Variants in WWOX observed in about 807,000 individuals in gnomAD.
WWOX encodes WW domain-containing oxidoreductase.
Under a neutral mutation model 46.2 loss-of-function variants are expected in WWOX, and 69 were observed. That is an observed-to-expected ratio of 1.49 (90% CI 1.23 to 1.82). The LOEUF (loss-of-function observed/expected upper bound fraction) is 1.82, where lower values mean the gene tolerates loss of function less well. WWOX is among the 40% of genes most tolerant of loss of function. The pLI, the probability that WWOX is intolerant of heterozygous loss-of-function variation, is 0.00. For synonymous variants in WWOX, 359 were observed against 202.6 expected (o/e 1.77, Z -6.56); for missense variants, 919 against 542.6 (o/e 1.69, Z -6.89).
In WWOX at chr16:78,802,027, A is replaced by G. The variant is rs538881886; in HGVS notation, c.1056+369275A>G. Among the ~76,000 whole-genome samples the G allele has an allele frequency of 8.0e-4, 122 of 152,238 alleles. 1 individual carries two copies. In the South Asian group the frequency reaches 9.1e-3, roughly 11 times the overall value. Reference sequence around the variant, plus strand: ...AAGGGCCTATCCCAGAGGCTGGTGTACCATGGTGGCTTCTCCTGGCTCTGC... The same window carrying G: ...AAGGGCCTATCCCAGAGGCTGGTGTGCCATGGTGGCTTCTCCTGGCTCTGC... On this transcript the variant is annotated intron_variant, in intron 8 of 8. Transcript: ENST00000566780.
rs188791685 is a variant in WWOX, at chr16:78,449,329, A to G, written c.1056+16577A>G. ...AGTGACGTCTTACTGCTTTTGCCAT[A>G]TTCTTTTTGTTAGAAGGAAATCACT... On this transcript the variant is annotated intron_variant, in intron 8 of 8. Transcript: ENST00000566780. Among the ~76,000 whole-genome samples, 1,010 of 152,250 alleles carry G rather than the reference A, an allele frequency of 6.6e-3. 13 individuals are homozygous for G. The highest frequency in any genetic ancestry group is 5.9e-3 in the Non-Finnish European group (399 of 68,030).
At chr16:78,380,553 G>GA (rs2081931875) in intron 5 of WWOX, among the ~76,000 whole-genome samples, 1 of 152,144 alleles carries the variant, frequency 6.6e-6, no homozygotes, top group African/African-American at 2.4e-5. Context: ...GGATAGGGCT[G>GA]AATGGTTTAT....
chr16:78,636,269 C>G (rs1447869454), intron 8 of WWOX, among the ~76,000 whole-genome samples: 1 of 152,132 alleles, frequency 6.6e-6, no homozygotes, highest in Admixed American at 6.5e-5. Context: ...TTATTGCAAA[C>G]CTACTGTGTG....
chr16:79,163,685 C>T (rs112223430), intron 8 of WWOX, among the ~76,000 whole-genome samples: 9,204 of 151,502 alleles, frequency 0.061, 942 homozygotes, highest in African/African-American at 0.21. Context: ...GTAATCCCAG[C>T]CACTTTTGAG....
intron 8 of WWOX, among the ~76,000 whole-genome samples, chr16:78,660,640 A>C (rs1473982287): frequency 6.6e-6 from 1 of 152,108 alleles, no homozygotes; most frequent in Non-Finnish European, 1.5e-5. Flanking sequence ...ATAACCCATC[A>C]AAGGAATAGA....
intron 8 of WWOX, among the ~76,000 whole-genome samples, chr16:78,974,349 A>G (rs956254803): frequency 6.6e-6 from 1 of 152,208 alleles, no homozygotes; most frequent in African/African-American, 2.4e-5. Flanking sequence ...TGTCACATCA[A>G]TAAACATCTT....
chr16:78,250,915 C>T (rs4334310), intron 5 of WWOX, among the ~76,000 whole-genome samples: 7,247 of 152,226 alleles, frequency 0.048, 334 homozygotes, highest in East Asian at 0.23. Flanking sequence ...ACCTCAATCC[C>T]CTGTTTGGCC....
At chr16:78,587,272 A>T (rs570712177) in intron 8 of WWOX, among the ~76,000 whole-genome samples, 2 of 149,108 alleles carry the variant, frequency 1.3e-5, no homozygotes, top group East Asian at 4.0e-4. Context: ...GGCTCAAGCA[A>T]TCCTCCCATC....
intron 8 of WWOX, among the ~76,000 whole-genome samples, chr16:78,827,482 G>T (rs11860100): frequency 6.6e-6 from 1 of 151,934 alleles, no homozygotes; most frequent in African/African-American, 2.4e-5. Context: ...CACATTTCCA[G>T]CCCCATTTTC....
At chr16:78,100,177 A>T (rs2031667788) in intron 1 of WWOX, 1 of 1,262,090 alleles carries the variant, frequency 7.9e-7, no homozygotes, top group Admixed American at 4.6e-5. Flanking sequence ...CCGCCAAAAA[A>T]TAAAGATGTT....
intron 5 of WWOX, among the ~76,000 whole-genome samples, chr16:78,197,508 G>A (rs1799962961): frequency 1.3e-5 from 2 of 152,080 alleles, no homozygotes; most frequent in Admixed American, 1.3e-4. Flanking sequence ...ATGTTTTGAG[G>A]TCAATTTGAA....
At chr16:78,938,081 T>C (rs147168773) in intron 8 of WWOX, among the ~76,000 whole-genome samples, 63 of 152,334 alleles carry the variant, frequency 4.1e-4, no homozygotes, top group Middle Eastern at 3.4e-3. Flanking sequence ...GCAGCAGGGC[T>C]AAGATCACCA....
chr16:78,269,438 G>T (rs528207093), intron 5 of WWOX, among the ~76,000 whole-genome samples: 6 of 152,302 alleles, frequency 3.9e-5, no homozygotes, highest in African/African-American at 1.4e-4. Context: ...TCCTGCAGCA[G>T]CCATTCTGGT....
At chr16:78,742,237 A>G (rs1231436934) in intron 8 of WWOX, among the ~76,000 whole-genome samples, 1 of 152,186 alleles carries the variant, frequency 6.6e-6, no homozygotes, top group East Asian at 1.9e-4. Flanking sequence ...ACTTATTTTT[A>G]CTGATAATAG....
intron 8 of WWOX, among the ~76,000 whole-genome samples, chr16:79,096,110 C>T (rs1320739353): frequency 3.4e-5 from 5 of 147,960 alleles, no homozygotes; most frequent in Non-Finnish European, 7.4e-5. Flanking sequence ...TCAACTGATC[C>T]GCCTGCCTCG....
intron 5 of WWOX, among the ~76,000 whole-genome samples, chr16:78,214,581 C>T (rs534859820): frequency 2.0e-5 from 3 of 152,170 alleles, no homozygotes; most frequent in African/African-American, 7.2e-5. Flanking sequence ...TCTAATCATG[C>T]CATTTAGCCA....
chr16:78,459,133 T>A (rs1163846768), intron 8 of WWOX, among the ~76,000 whole-genome samples: 1 of 152,184 alleles, frequency 6.6e-6, no homozygotes, highest in Non-Finnish European at 1.5e-5. Context: ...GAAGCTTCCT[T>A]TAGCCTTCTC....
chr16:79,211,664 G>A lies in WWOX; in HGVS notation c.1113G>A (p.Leu371=). The change falls in exon 9 of 9, where the codon CTG becomes CTA. Residue 371 remains leucine, a synonymous_variant. Transcript: ENST00000566780. The part of the protein sequence containing the change: ...YCAAVPELEG[L]GGMYFNNCCR... Reference sequence around the variant, plus strand: ...CTGCTGTCCCAGAACTGGAGGGTCTGGGAGGGATGTACTTCAACAACTGCT... The same window carrying A: ...CTGCTGTCCCAGAACTGGAGGGTCTAGGAGGGATGTACTTCAACAACTGCT... 1 of 1,614,166 alleles carries A rather than the reference G, an allele frequency of 6.2e-7. No individual in the cohort carries two copies.
Position 78,968,082 on chromosome 16 carries a change from GTGCATGGTC to G in WWOX, c.1057-243525_1057-243517del, listed in dbSNP as rs1567445953. On this transcript the variant is annotated intron_variant, in intron 8 of 8. Transcript: ENST00000566780. ...CACAGTGTGTGGTCTGTATGGCACA[GTGCATGGTC>G]CGCATGGCACAGCGCGTGGTCCGCG... 4.7e-4 allele frequency among the ~76,000 whole-genome samples: 72 copies of G among 151,988 alleles called. 1 individual carries two copies. Among genetic ancestry groups the G allele is most frequent in the African/African-American group, 1.3e-3 (55 of 41,452 alleles).
Sources: allele counts gnomAD v4.1 joint callset (sites outside exome capture counted in the v4.1 genomes callset), GRCh38; gene constraint gnomAD v4.1.1; transcripts MANE v1.5; gene names NCBI Gene and HGNC (gene_info 2026-07-23, HGNC 2026-07-21).